The following ST6GALNAC3 variants were observed in gnomAD, a reference collection of about 807,000 sequenced individuals.
The protein encoded by ST6GALNAC3 is alpha-N-acetylgalactosaminide alpha-2,6-sialyltransferase 3.
ST6GALNAC3 carries 25 observed loss-of-function variants against 32.7 expected under a neutral mutation model. The observed-to-expected ratio is 0.76, with a 90% CI of 0.56 to 1.07. The LOEUF (loss-of-function observed/expected upper bound fraction) is 1.07, where lower values mean the gene tolerates loss of function less well. Ranked by LOEUF, ST6GALNAC3 falls within the 50% of genes least tolerant of loss-of-function variation. The pLI, the probability that ST6GALNAC3 is intolerant of heterozygous loss-of-function variation, is 0.00. For missense variants in ST6GALNAC3, 355 were observed against 382.4 expected (o/e 0.93, Z 0.60); for synonymous variants, 129 against 133.1 (o/e 0.97, Z 0.21).
intron 1 of ST6GALNAC3, among the ~76,000 whole-genome samples, chr1:76,265,100 G>C (rs539223712): frequency 6.6e-6 from 1 of 152,126 alleles, no homozygotes; most frequent in South Asian, 2.1e-4. Context: ...TTTGCTCCAG[G>C]AGTACTTATA....
chr1:76,554,781 T>C (rs1329749882), intron 3 of ST6GALNAC3, among the ~76,000 whole-genome samples: 1 of 152,130 alleles, frequency 6.6e-6, no homozygotes, highest in Non-Finnish European at 1.5e-5. Flanking sequence ...TGAGGACTAA[T>C]TCCAGACTAG....
At chr1:76,367,642 A>G (rs1650480538) in intron 2 of ST6GALNAC3, among the ~76,000 whole-genome samples, 1 of 152,132 alleles carries the variant, frequency 6.6e-6, no homozygotes, top group South Asian at 2.1e-4. Flanking sequence ...GTCAGCTGTG[A>G]TTTCAATCAA....
At chr1:76,354,592 G>C (rs556622210) in intron 2 of ST6GALNAC3, among the ~76,000 whole-genome samples, 1 of 152,292 alleles carries the variant, frequency 6.6e-6, no homozygotes, top group East Asian at 1.9e-4. Flanking sequence ...TTGGTTGGTT[G>C]GCTTTAAAGT....
rs995114502 is a variant in ST6GALNAC3 at position 76,135,983 on chromosome 1, C to G, written c.18+61099C>G. Among the ~76,000 whole-genome samples, 25 of 152,168 alleles carry G rather than the reference C, an allele frequency of 1.6e-4. 1 individual carries two copies. The highest frequency in any genetic ancestry group is 1.4e-3 in the Admixed American group (22 of 15,284). Reference sequence around the variant, plus strand: ...GTCGCATACCCCAGGCTTTTCTGCTCAGGATGGGGCCCTTTTGAGACCAGG... The same window carrying G: ...GTCGCATACCCCAGGCTTTTCTGCTGAGGATGGGGCCCTTTTGAGACCAGG... On this transcript the variant is annotated intron_variant, in intron 1 of 4. Transcript: ENST00000328299.
At chr1:76,183,713 C>A (rs1653338138) in intron 1 of ST6GALNAC3, among the ~76,000 whole-genome samples, 1 of 151,596 alleles carries the variant, frequency 6.6e-6, no homozygotes, top group African/African-American at 2.4e-5. Context: ...ATACTATAGG[C>A]AATTGTGACA....
At chr1:76,213,720 G>A (rs1025139161) in intron 1 of ST6GALNAC3, among the ~76,000 whole-genome samples, 6 of 152,142 alleles carry the variant, frequency 3.9e-5, no homozygotes, top group Non-Finnish European at 5.9e-5. Context: ...AGTGGCAGGT[G>A]TCTATTCTTC....
chr1:76,449,935 A>G (rs571400891), intron 3 of ST6GALNAC3, among the ~76,000 whole-genome samples: 1 of 152,294 alleles, frequency 6.6e-6, no homozygotes, highest in East Asian at 1.9e-4. Flanking sequence ...TGTACACTGA[A>G]CACAATGTGT....
In ST6GALNAC3 at chr1:76,472,130, G is replaced by C. The variant is rs754375366; in HGVS notation, c.623+59713G>C. On this transcript the variant is annotated intron_variant, in intron 3 of 4. Transcript: ENST00000328299. ...CATTTGTGAGTTTCTTGTTTGAAAT[G>C]GCCGACATTTTAGGTGTTTCCATGT... Among the ~76,000 whole-genome samples the C allele has an allele frequency of 2.0e-5, 3 of 152,032 alleles. No individual in the cohort carries two copies. The East Asian group carries it at 5.8e-4, about 29-fold the overall frequency.
At chr1:76,215,938 G>C (rs928419090) in intron 1 of ST6GALNAC3, among the ~76,000 whole-genome samples, 3 of 152,138 alleles carry the variant, frequency 2.0e-5, no homozygotes, top group Non-Finnish European at 4.4e-5. Flanking sequence ...GATTTACAAA[G>C]ACCTCACAGA....
intron 3 of ST6GALNAC3, among the ~76,000 whole-genome samples, chr1:76,474,728 A>G (rs1404906785): frequency 1.3e-5 from 2 of 152,094 alleles, no homozygotes; most frequent in Admixed American, 6.6e-5. Flanking sequence ...TCTAACTCCT[A>G]TATTGAGTAG....
chr1:76,285,692 G>T (rs1659736549), intron 1 of ST6GALNAC3, among the ~76,000 whole-genome samples: 1 of 152,106 alleles, frequency 6.6e-6, no homozygotes, highest in African/African-American at 2.4e-5. Flanking sequence ...TCATTGTGCA[G>T]CTCTGACAGA....
At chr1:76,512,326 C>A (rs1186443195) in intron 3 of ST6GALNAC3, among the ~76,000 whole-genome samples, 1 of 152,092 alleles carries the variant, frequency 6.6e-6, no homozygotes, top group African/African-American at 2.4e-5. Context: ...ATGTATGCAT[C>A]CATGCATACA....
intron 3 of ST6GALNAC3, among the ~76,000 whole-genome samples, chr1:76,568,273 C>T (rs1298315828): frequency 8.5e-5 from 13 of 152,160 alleles, no homozygotes; most frequent in Admixed American, 7.9e-4. Context: ...ATGATTAGAA[C>T]CCTGCCCTTC....
At chr1:76,094,979 T>C (rs1647105238) in intron 1 of ST6GALNAC3, among the ~76,000 whole-genome samples, 1 of 151,910 alleles carries the variant, frequency 6.6e-6, no homozygotes, top group African/African-American at 2.4e-5. Context: ...TACTGCTCTC[T>C]AGATTATAAA....
rs557348310 is a variant in ST6GALNAC3 at position 76,464,157 on chromosome 1, G to A, written c.623+51740G>A. 1.1e-3 allele frequency among the ~76,000 whole-genome samples: 166 copies of A among 152,134 alleles called. 1 individual carries two copies. The highest frequency in any genetic ancestry group is 5.6e-4 in the Non-Finnish European group (38 of 67,988). On this transcript the variant is annotated intron_variant, in intron 3 of 4. Coordinates refer to ENST00000328299, the MANE Select transcript of ST6GALNAC3 (RefSeq NM_152996.4). ...ACTGACTTAGTACCTCACTGAACAC[G>A]ACTTTACTCTGAACTTTTTCCTTTA... is the stretch of plus-strand genomic sequence containing the variant.
chr1:76,441,112 GAGAA>G (rs1656565862), intron 3 of ST6GALNAC3, among the ~76,000 whole-genome samples: 2 of 133,004 alleles, frequency 1.5e-5, no homozygotes, highest in Middle Eastern at 3.9e-3. Context: ...AAAAAAATAA[GAGAA>G]AGCAACATAG....
At chr1:76,611,002 A>G (rs1410630570) in intron 3 of ST6GALNAC3, among the ~76,000 whole-genome samples, 1 of 152,058 alleles carries the variant, frequency 6.6e-6, no homozygotes, top group Non-Finnish European at 1.5e-5. Context: ...TTTATGCAAT[A>G]GATGTGTTTC....
chr1:76,625,860 A>G (rs767615791), intron 3 of ST6GALNAC3, among the ~76,000 whole-genome samples: 6 of 151,898 alleles, frequency 4.0e-5, no homozygotes, highest in African/African-American at 7.2e-5. Flanking sequence ...GATATTTTCC[A>G]TACACCAGAA....
At chr1:76,614,564 A>G (rs1648153412) in intron 3 of ST6GALNAC3, among the ~76,000 whole-genome samples, 2 of 151,858 alleles carry the variant, frequency 1.3e-5, no homozygotes, top group Non-Finnish European at 2.9e-5. Flanking sequence ...CTAACAATAC[A>G]AAAAATTAGC....
Sources: allele counts gnomAD v4.1 joint callset (sites outside exome capture counted in the v4.1 genomes callset), GRCh38; gene constraint gnomAD v4.1.1; transcripts MANE v1.5; gene names NCBI Gene and HGNC (gene_info 2026-07-23, HGNC 2026-07-21).